Variants in CD200R1 observed in about 807,000 individuals in gnomAD.
The protein encoded by CD200R1 is CD200 receptor 1, also known as cell surface glycoprotein CD200 receptor 1.
A neutral mutation model predicts 38.1 loss-of-function variants in CD200R1; 30 were observed. That is an observed-to-expected ratio of 0.79 (90% CI 0.59 to 1.07). CD200R1 has a LOEUF of 1.07. Among genes scored for constraint, CD200R1 ranks in the 50% least tolerant of loss-of-function variants. CD200R1 has a pLI of 0.00. For missense variants in CD200R1, 372 were observed against 415.4 expected (o/e 0.90, Z 0.91); for synonymous variants, 128 against 152.1 (o/e 0.84, Z 1.16).
Position 112,921,512 on chromosome 3 carries a change from G to C in CD200R1, c.*2165C>G, listed in dbSNP as rs755587943. 6.6e-6 allele frequency: 1 copy of C among 151,912 alleles called. No individual in the cohort carries two copies. Among genetic ancestry groups the C allele is most frequent in the African/African-American group, 2.4e-5 (1 of 41,382 alleles). The allele number at this position is 151,912 out of a possible 1,614,324, so 9.4% of individuals were successfully genotyped here. ...CAAAGCAAAGGAAAAGATACAAAAT[G>C]GGATGGGGAGAAAGCACAGTAAATG... On this transcript the variant is annotated 3_prime_UTR_variant, in exon 8 of 8. Coordinates refer to ENST00000308611, the MANE Select transcript of CD200R1 (RefSeq NM_138806.4).
chr3:112,955,390 C>G (rs1007302255), intron 1 of CD200R1, among the ~76,000 whole-genome samples: 1 of 151,986 alleles, frequency 6.6e-6, no homozygotes, highest in African/African-American at 2.4e-5. Flanking sequence ...TCTATTAATA[C>G]TTGATTTTTA....
chr3:112,947,931 T>A lies in CD200R1; in HGVS notation c.68-7A>T, dbSNP rs1559951915. The A allele has an allele frequency of 6.3e-7, 1 of 1,597,842 alleles. No individual in the cohort carries two copies. The highest frequency in any genetic ancestry group is 1.7e-5 in the Admixed American group (1 of 59,998). ...TGAGCAGCACCCTCCGCTTCTGAAT[T>A]TTGAAAAAGACATAGGGGGTAGAGA... is the stretch of plus-strand genomic sequence containing the variant. On this transcript the variant is annotated splice_region_variant and splice_polypyrimidine_tract_variant and intron_variant, in intron 1 of 7. Coordinates refer to ENST00000308611, the MANE Select transcript of CD200R1 (RefSeq NM_138806.4).
chr3:112,958,054 A>C (rs1941141604), intron 1 of CD200R1, among the ~76,000 whole-genome samples: 1 of 152,182 alleles, frequency 6.6e-6, no homozygotes, highest in East Asian at 1.9e-4. Context: ...AAAATAATGT[A>C]AACTACACTG....
chr3:112,963,607 A>G (rs1347314518), intron 1 of CD200R1, among the ~76,000 whole-genome samples: 2 of 152,240 alleles, frequency 1.3e-5, no homozygotes, highest in Non-Finnish European at 2.9e-5. Flanking sequence ...TCTAAGCAGC[A>G]AAGTATTCAA....
chr3:112,928,648 G>A (rs79079096), intron 5 of CD200R1, among the ~76,000 whole-genome samples, 168 bp downstream of exon 5: 2 of 152,106 alleles, frequency 1.3e-5, no homozygotes, highest in Admixed American at 1.3e-4. Context: ...TACAACAAAT[G>A]TCTGTACTAT....
At chr3:112,959,254 TA>T (rs150129821) in intron 1 of CD200R1, among the ~76,000 whole-genome samples, 3,130 of 152,094 alleles carry the variant, frequency 0.021, 124 homozygotes, top group African/African-American at 0.072. Context: ...AGATGGAAAA[TA>T]AAAAAGAAGT....
rs573138021 is a variant in CD200R1 at position 112,923,022 on chromosome 3, T to G, written c.*655A>C. ...GTATTGTTTATACCACAAACAAAAC[T>G]TAAAAGAAATAAACAAAACTTAAAA... is the stretch of plus-strand genomic sequence containing the variant. On this transcript the variant is annotated 3_prime_UTR_variant, in exon 8 of 8. Coordinates refer to ENST00000308611, the MANE Select transcript of CD200R1 (RefSeq NM_138806.4). 2.0e-5 allele frequency: 3 copies of G among 151,738 alleles called. No individual in the cohort carries two copies. The highest frequency in any genetic ancestry group is 4.4e-5 in the Non-Finnish European group (3 of 67,812). The allele number at this position is 151,738 out of a possible 1,614,324, so 9.4% of individuals were successfully genotyped here.
In CD200R1 at chr3:112,929,069, A is replaced by G; in HGVS notation, c.521-5T>C. The G allele has an allele frequency of 6.2e-7, 1 of 1,613,326 alleles. No individual in the cohort carries two copies. The highest frequency in any genetic ancestry group is 8.5e-7 in the Non-Finnish European group (1 of 1,179,542). On this transcript the variant is annotated splice_region_variant and splice_polypyrimidine_tract_variant and intron_variant, in intron 4 of 7. Transcript: ENST00000308611. Reference sequence around the variant, plus strand: ...ACAGGGTCACTTCAGGTGTAACTGCAGAGAGGAAAGAGGGAAAAAAATGCT... The same window carrying G: ...ACAGGGTCACTTCAGGTGTAACTGCGGAGAGGAAAGAGGGAAAAAAATGCT...
rs530858333 is a variant in CD200R1 at position 112,947,161 on chromosome 3, T to C, written c.136+695A>G. On this transcript the variant is annotated intron_variant, in intron 2 of 7. Transcript: ENST00000308611. ...GAATAGGTAGAATAGAGACGATTTT[T>C]AGGTCAGTGAAATTACTCTATAAAA... is the stretch of plus-strand genomic sequence containing the variant. Among the ~76,000 whole-genome samples, 142 of 152,282 alleles carry C rather than the reference T, an allele frequency of 9.3e-4. 1 individual carries two copies. The highest frequency in any genetic ancestry group is 3.2e-3 in the African/African-American group (135 of 41,554).
At chr3:112,928,487 T>A (rs1940331911) in intron 5 of CD200R1, among the ~76,000 whole-genome samples, 2 of 152,196 alleles carry the variant, frequency 1.3e-5, no homozygotes, top group African/African-American at 4.8e-5. Context: ...ATCCTTCTAA[T>A]AGAACCATAA....
rs1316262048 is a variant in CD200R1, at chr3:112,925,177, T to C, written c.786A>G (p.Lys262=). ...TATATGGAATATATAATTTTGCTGA[T>C]TTTTTGGCACCTGGAACTATAGACA... ...IELLPVPGAK[K]SAKLYIPYII... The change falls in exon 6 of 8, where the codon AAA becomes AAG. Residue 262 remains lysine (K), a synonymous_variant. Coordinates refer to ENST00000308611, the MANE Select transcript of CD200R1 (RefSeq NM_138806.4). 6.3e-7 allele frequency: 1 copy of C among 1,581,686 alleles called. No individual in the cohort carries two copies. Among genetic ancestry groups the C allele is most frequent in the Non-Finnish European group, 8.7e-7 (1 of 1,153,058 alleles).
At chr3:112,965,862 C>G (rs139739370) in intron 1 of CD200R1, among the ~76,000 whole-genome samples, 1 of 152,054 alleles carries the variant, frequency 6.6e-6, no homozygotes, top group Non-Finnish European at 1.5e-5. Context: ...GCTAACTGGT[C>G]AGGCAGGATC....
At chr3:112,923,878 A>C in intron 7 of CD200R1, 79 bp from the exon 8 acceptor site, 1 of 858,768 alleles carries the variant, frequency 1.2e-6, no homozygotes, top group Middle Eastern at 3.5e-4. Context: ...AGTTGCCCAT[A>C]GCTTTAGTAT....
chr3:112,926,785 T>A (rs949920758), intron 5 of CD200R1, among the ~76,000 whole-genome samples: 2 of 151,986 alleles, frequency 1.3e-5, no homozygotes, highest in Non-Finnish European at 2.9e-5. Flanking sequence ...TTTTTTTTAG[T>A]GTAGATCTGC....
chr3:112,954,262 C>T (rs1941036824), intron 1 of CD200R1, among the ~76,000 whole-genome samples: 1 of 152,032 alleles, frequency 6.6e-6, no homozygotes, highest in African/African-American at 2.4e-5. Context: ...GGCTTTATAT[C>T]CATAATGATA....
chr3:112,963,236 G>T (rs1933067192), intron 1 of CD200R1, among the ~76,000 whole-genome samples: 1 of 152,192 alleles, frequency 6.6e-6, no homozygotes, highest in Non-Finnish European at 1.5e-5. Context: ...CAGCAAATTG[G>T]TACCAGAAGA....
At position 112,923,677 on chromosome 3, in the gene CD200R1, T is replaced by A; in HGVS notation, c.1047A>T (p.Ter349TyrextTer5). The A allele has an allele frequency of 6.8e-7, 1 of 1,462,752 alleles. No individual in the cohort carries two copies. Among genetic ancestry groups the A allele is most frequent in the Non-Finnish European group, 9.5e-7 (1 of 1,050,920 alleles). The allele number at this position is 1,462,752 out of a possible 1,614,324, so 90.6% of individuals were successfully genotyped here. A position where few individuals can be genotyped will look rare whatever the true frequency, so the allele number is the denominator to read the frequency against. The change falls in exon 8 of 8, where the codon TAA becomes TAT. Residue 349 changes from the stop codon to tyrosine, a stop_lost. Transcript: ENST00000308611. The stretch of plus-strand genomic sequence containing the variant: ...TTTCTTGGTACTAGAGTCCAACAAC[T>A]TATAAAGTATGGAGGTCTGTGTCAA... ...SEVDTDLHTL* is the reference protein window; with the variant it reads ...SEVDTDLHTLY
intron 5 of CD200R1, among the ~76,000 whole-genome samples, chr3:112,927,913 A>C (rs1452782390): frequency 1.3e-5 from 2 of 152,188 alleles, no homozygotes; most frequent in Non-Finnish European, 2.9e-5. Context: ...AAGTCATTTG[A>C]AAGAGAAAGC....
In CD200R1 at chr3:112,953,439, T is replaced by C. The variant is rs376021601; in HGVS notation, c.68-5515A>G. 1.1e-3 allele frequency among the ~76,000 whole-genome samples: 174 copies of C among 152,328 alleles called. 4 individuals are homozygous for C. In the South Asian group the frequency reaches 0.033, roughly 29 times the overall value. ...CTTTTTATCTGGCGTCCTTGTCTTA[T>C]TTGGGTGTGAGGGTAATTCTGGCCT... On this transcript the variant is annotated intron_variant, in intron 1 of 7. Transcript: ENST00000308611.
Sources: gnomAD v4.1 joint callset for allele counts (sites outside exome capture counted in the v4.1 genomes callset) on GRCh38, gnomAD v4.1.1 for gene constraint, MANE v1.5 for transcripts, NCBI Gene and HGNC (gene_info 2026-07-23, HGNC 2026-07-21) for gene names.